ARMH3: variants seen among roughly 807,000 people sequenced by gnomAD.
The protein encoded by ARMH3 is armadillo like helical domain containing 3, also known as armadillo-like helical domain-containing protein 3.
A neutral mutation model predicts 99.1 loss-of-function variants in ARMH3; 60 were observed. That is an observed-to-expected ratio of 0.61 (90% confidence interval 0.49 to 0.75). The LOEUF is 0.75. Ranked by LOEUF, ARMH3 falls within the 30% of genes least tolerant of loss-of-function variation. The pLI is 0.00. For missense variants in ARMH3, 679 were observed against 843.1 expected (o/e 0.81, Z 2.41); for synonymous variants, 285 against 292.8 (o/e 0.97, Z 0.27).
intron 24 of ARMH3, among the ~76,000 whole-genome samples, chr10:101,852,772 A>G (rs1029295280): frequency 6.6e-6 from 1 of 151,744 alleles, no homozygotes; most frequent in African/African-American, 2.4e-5. Context: ...AAAAGAAAAG[A>G]AAAAGAAAAG....
chr10:102,012,553 G>A (rs2066654862), intron 10 of ARMH3, among the ~76,000 whole-genome samples: 1 of 152,198 alleles, frequency 6.6e-6, no homozygotes, highest in Non-Finnish European at 1.5e-5. Flanking sequence ...GTGGCTGGAA[G>A]ACTAGTTAAA....
At position 102,040,014 on chromosome 10, in the gene ARMH3, A is replaced by G; in HGVS notation, c.101T>C (p.Met34Thr). The G allele has an allele frequency of 6.2e-7, 1 of 1,613,538 alleles. No individual in the cohort carries two copies. Among genetic ancestry groups the G allele is most frequent in the Non-Finnish European group, 8.5e-7 (1 of 1,179,426 alleles). ...ACACAACAAGGCCGCAGGCCTTACC[A>G]TGAAGATCTCATCATACATCAGCAC... Reference protein sequence around the residue: ...KVVLMYDEIFMTEDPSKCSPR... With the variant: ...KVVLMYDEIFTTEDPSKCSPR... Residue 34 changes from methionine (M) to threonine (T), a missense_variant and splice_region_variant, in exon 2 of 26, where the codon ATG (methionine) becomes ACG (threonine). By Grantham distance (81) the Met-to-Thr change is moderately conservative. This residue lies in a region of ARMH3 where 280 missense variants were observed against 354.6 expected (regional missense o/e 0.79). Transcript: ENST00000370033.
intron 8 of ARMH3, among the ~76,000 whole-genome samples, chr10:102,019,910 A>C (rs1337602815): frequency 6.9e-6 from 1 of 145,444 alleles, no homozygotes; most frequent in Non-Finnish European, 1.5e-5. Context: ...CCTGGGAGAC[A>C]GAGTGAGACT....
intron 4 of ARMH3, among the ~76,000 whole-genome samples, chr10:102,030,619 A>G (rs1391392046): frequency 1.3e-5 from 2 of 152,144 alleles, no homozygotes; most frequent in Non-Finnish European, 2.9e-5. Flanking sequence ...CTGAGGCAGG[A>G]GAATCCTTGA....
intron 19 of ARMH3, among the ~76,000 whole-genome samples, chr10:101,987,801 C>G (rs985221859): frequency 6.6e-6 from 1 of 152,096 alleles, no homozygotes; most frequent in Non-Finnish European, 1.5e-5. Context: ...ATTAGGTGAG[C>G]CTGAAAGCAG....
intron 23 of ARMH3, among the ~76,000 whole-genome samples, chr10:101,929,670 G>A (rs1416284523): frequency 1.3e-5 from 2 of 151,978 alleles, no homozygotes; most frequent in Non-Finnish European, 2.9e-5. Flanking sequence ...CCTAGAGCAA[G>A]CACTAAAGAA....
rs190237351 is a variant in ARMH3, at chr10:101,982,545, T to C, written c.1407-7245A>G. ...CAACACCCAGGCCATGGACGAGTAC[T>C]GGTTAGAAACCAGGCTGCACAGCAG... On this transcript the variant is annotated intron_variant, in intron 19 of 25. Transcript: ENST00000370033. Among the ~76,000 whole-genome samples, 45 of 152,324 alleles carry C rather than the reference T, an allele frequency of 3.0e-4. No homozygotes were observed. In the East Asian group the frequency reaches 6.6e-3, roughly 22 times the overall value.
intron 2 of ARMH3, among the ~76,000 whole-genome samples, chr10:102,034,313 G>A (rs1207796538): frequency 6.6e-6 from 1 of 152,112 alleles, no homozygotes; most frequent in Non-Finnish European, 1.5e-5. Flanking sequence ...TAGGAAGTCA[G>A]AAGCTGCTGG....
At chr10:101,957,424 C>T (rs1845090411) in intron 21 of ARMH3, among the ~76,000 whole-genome samples, 1 of 152,166 alleles carries the variant, frequency 6.6e-6, no homozygotes, top group Non-Finnish European at 1.5e-5. Flanking sequence ...CCTATACCCA[C>T]CCCTGCCAGA....
chr10:102,041,090 A>ATGT (rs1554897209), intron 1 of ARMH3, among the ~76,000 whole-genome samples: 1 of 132,642 alleles, frequency 7.5e-6, no homozygotes, highest in African/African-American at 2.7e-5. Flanking sequence ...ATATATATAT[A>ATGT]ATATATATAT....
At chr10:101,898,415 T>C (rs985602534) in intron 23 of ARMH3, among the ~76,000 whole-genome samples, 10 of 151,908 alleles carry the variant, frequency 6.6e-5, no homozygotes, top group African/African-American at 1.9e-4. Flanking sequence ...TCATATCCAA[T>C]ATAAAGCTAA....
At chr10:102,011,038 A>G (rs1272276852) in intron 11 of ARMH3, among the ~76,000 whole-genome samples, 1 of 152,208 alleles carries the variant, frequency 6.6e-6, no homozygotes, top group East Asian at 1.9e-4. Flanking sequence ...ATAATGCCCG[A>G]AAGACAGACT....
At position 102,045,154 on chromosome 10, in the gene ARMH3, G is replaced by A. The variant is rs181014945; in HGVS notation, c.-11-5029C>T. On this transcript the variant is annotated intron_variant, in intron 1 of 25. Coordinates refer to ENST00000370033, the MANE Select transcript of ARMH3 (RefSeq NM_024541.3). ...CAAAAAAAAAAAAAAAAAAAAGAGC[G>A]AAACAAAAGTAAATAGTTTAGGGGG... Among the ~76,000 whole-genome samples the A allele has an allele frequency of 2.1e-3, 310 of 147,794 alleles. 4 individuals carry two copies. The highest frequency in any genetic ancestry group is 7.3e-3 in the African/African-American group (292 of 39,734).
intron 14 of ARMH3, among the ~76,000 whole-genome samples, chr10:102,004,228 G>C (rs573742421): frequency 6.6e-6 from 1 of 152,190 alleles, no homozygotes; most frequent in South Asian, 2.1e-4. Context: ...TTAAATATAA[G>C]TGGGCTACTG....
intron 22 of ARMH3, among the ~76,000 whole-genome samples, chr10:101,944,098 G>A (rs574878069): frequency 4.1e-4 from 61 of 149,374 alleles, no homozygotes; most frequent in Non-Finnish European, 6.4e-4. Flanking sequence ...AAATACGTTC[G>A]ATATATTCAG....
At chr10:101,856,457 A>G (rs930124435) in intron 24 of ARMH3, among the ~76,000 whole-genome samples, 2 of 152,086 alleles carry the variant, frequency 1.3e-5, no homozygotes, top group African/African-American at 4.8e-5. Context: ...CCCTTCTACA[A>G]TGAATGCTCC....
intron 19 of ARMH3, among the ~76,000 whole-genome samples, chr10:101,985,627 T>C (rs973917488): frequency 5.9e-5 from 9 of 151,864 alleles, no homozygotes; most frequent in African/African-American, 2.2e-4. Context: ...GGTGGGAGGA[T>C]TGCTTGCACC....
At chr10:101,881,467 T>C (rs2067416507) in intron 24 of ARMH3, among the ~76,000 whole-genome samples, 1 of 152,120 alleles carries the variant, frequency 6.6e-6, no homozygotes, top group Non-Finnish European at 1.5e-5. Flanking sequence ...GTTCTAGAGA[T>C]CTGTGGCACA....
chr10:101,888,105 A>G (rs1311873154), intron 24 of ARMH3, among the ~76,000 whole-genome samples: 1 of 150,160 alleles, frequency 6.7e-6, no homozygotes, highest in Non-Finnish European at 1.5e-5. Context: ...GACTAACCAG[A>G]GCTCACTGTG....
Sources: allele counts gnomAD v4.1 joint callset (sites outside exome capture counted in the v4.1 genomes callset), GRCh38; gene constraint gnomAD v4.1.1; regional missense constraint gnomAD v4.1.1; transcripts MANE v1.5; gene names NCBI Gene and HGNC (gene_info 2026-07-23, HGNC 2026-07-21).